FOCAD: variants seen among roughly 807,000 people sequenced by gnomAD.
FOCAD encodes KIAA1797.
FOCAD carries 198 observed loss-of-function variants against 225.6 expected under a neutral mutation model. That is an observed-to-expected ratio of 0.88 (90% CI 0.78 to 0.99). The LOEUF is 0.99. Ranked by LOEUF, FOCAD falls within the 50% of genes least tolerant of loss-of-function variation. The pLI, the probability that FOCAD is intolerant of heterozygous loss-of-function variation, is 0.00. For missense variants in FOCAD, 2,713 were observed against 2,123.6 expected (o/e 1.28, Z -5.46); for synonymous variants, 897 against 755.0 (o/e 1.19, Z -3.08).
At chr9:20,815,137 G>GTTTTTTTTTGTTTTTTTTT (rs1823565046) in intron 11 of FOCAD, among the ~76,000 whole-genome samples, 4 of 69,116 alleles carry the variant, frequency 5.8e-5, no homozygotes, top group African/African-American at 2.4e-4. Context: ...TTTTTTTTTT[G>GTTTTTTTTTGTTTTTTTTT]TTTTTTTTTT....
chr9:20,740,231 TG>T lies in FOCAD; in HGVS notation c.288-4del, dbSNP rs752695565. ...TAACATTTAACATGCTATATTTCTTTGCAGAAATACACATGGCTTGATAAAA... is the reference window on the plus strand; with the variant it reads ...TAACATTTAACATGCTATATTTCTTTCAGAAATACACATGGCTTGATAAAA... On this transcript the variant is annotated splice_region_variant and splice_polypyrimidine_tract_variant and intron_variant, in intron 4 of 43. Coordinates refer to ENST00000338382, the MANE Select transcript of FOCAD (RefSeq NM_001375567.1). 71 of 1,553,454 alleles carry T rather than the reference TG, an allele frequency of 4.6e-5. No individual in the cohort carries two copies. The highest frequency in any genetic ancestry group is 1.8e-5 in the Non-Finnish European group (20 of 1,130,746).
chr9:20,717,722 C>T, intron 2 of FOCAD, 72 bp from the exon 3 acceptor site: 1 of 1,125,810 alleles, frequency 8.9e-7, no homozygotes. Context: ...CTGGCATACT[C>T]ATATCAACTA....
intron 28 of FOCAD, among the ~76,000 whole-genome samples, chr9:20,942,618 C>T (rs1256900432): frequency 6.6e-6 from 1 of 152,142 alleles, no homozygotes; most frequent in Non-Finnish European, 1.5e-5. Flanking sequence ...GATCTTCTCT[C>T]TACTCTAGAC....
At chr9:20,895,084 T>A (rs1564123091) in intron 21 of FOCAD, among the ~76,000 whole-genome samples, 1 of 152,038 alleles carries the variant, frequency 6.6e-6, no homozygotes, top group Non-Finnish European at 1.5e-5. Flanking sequence ...GAGAAGATTA[T>A]CCTTTCTCCA....
chr9:20,900,652 TG>T (rs1194176685), intron 21 of FOCAD, among the ~76,000 whole-genome samples: 2 of 151,944 alleles, frequency 1.3e-5, no homozygotes, highest in Non-Finnish European at 2.9e-5. Flanking sequence ...TGAATAATAA[TG>T]GGGAGAAGTG....
intron 15 of FOCAD, among the ~76,000 whole-genome samples, chr9:20,848,239 A>G (rs1827313095): frequency 6.6e-6 from 1 of 152,078 alleles, no homozygotes; most frequent in Non-Finnish European, 1.5e-5. Context: ...CAAAATGGGC[A>G]TGATTTGACG....
intron 8 of FOCAD, among the ~76,000 whole-genome samples, chr9:20,775,598 C>T (rs1257496214): frequency 1.3e-5 from 2 of 152,174 alleles, no homozygotes; most frequent in Non-Finnish European, 2.9e-5. Context: ...TGTCTGCTAC[C>T]TTCTCATGCC....
rs749860355 is a variant in FOCAD at position 20,710,229 on chromosome 9, AT to A, written c.-32-5070del. ...CTGTACTTGGATCCCAGTAGCTGAG[AT>A]TTTTTTTTTTTTTTTTTTTTTTGCT... is the stretch of plus-strand genomic sequence containing the variant. On this transcript the variant is annotated intron_variant, in intron 1 of 43. Transcript: ENST00000338382. 7.3e-3 allele frequency among the ~76,000 whole-genome samples: 743 copies of A among 102,238 alleles called. 4 individuals are homozygous for A. The highest frequency in any genetic ancestry group is 0.024 in the African/African-American group (631 of 26,666). The allele number at this position is 102,238 out of a possible 152,430, so 67.1% of individuals were successfully genotyped here.
intron 7 of FOCAD, among the ~76,000 whole-genome samples, chr9:20,766,451 A>G (rs1452006807): frequency 2.0e-5 from 3 of 152,188 alleles, no homozygotes; most frequent in Non-Finnish European, 2.9e-5. Flanking sequence ...GGCTAATTGA[A>G]TATTTTAGTG....
At chr9:20,721,478 G>T (rs1338029517) in intron 4 of FOCAD, among the ~76,000 whole-genome samples, 1 of 152,066 alleles carries the variant, frequency 6.6e-6, no homozygotes, top group African/African-American at 2.4e-5. Flanking sequence ...GAGGCGGGCG[G>T]ATCACCTGAC....
chr9:20,952,718 T>G (rs1837796100), intron 34 of FOCAD, among the ~76,000 whole-genome samples: 1 of 152,058 alleles, frequency 6.6e-6, no homozygotes, highest in Admixed American at 6.6e-5. Flanking sequence ...ACCACTTCAC[T>G]CAAGTGTTCA....
chr9:20,943,565 T>A (rs545775674), intron 28 of FOCAD, among the ~76,000 whole-genome samples: 1 of 152,300 alleles, frequency 6.6e-6, no homozygotes, highest in East Asian at 1.9e-4. Context: ...GTGTGGGTGC[T>A]CCATTTGCAC....
At chr9:20,883,489 A>G (rs1237269030) in intron 20 of FOCAD, among the ~76,000 whole-genome samples, 1 of 152,204 alleles carries the variant, frequency 6.6e-6, no homozygotes, top group Non-Finnish European at 1.5e-5. Flanking sequence ...TACCAAAATG[A>G]CCATACGCTG....
intron 2 of FOCAD, among the ~76,000 whole-genome samples, chr9:20,660,501 TAGAA>T (rs1458807492): frequency 4.8e-5 from 6 of 125,924 alleles, no homozygotes; most frequent in South Asian, 2.2e-4. Flanking sequence ...TCAGATCCCT[TAGAA>T]AGAAGATTTC....
intron 28 of FOCAD, among the ~76,000 whole-genome samples, chr9:20,936,199 C>G (rs938087676): frequency 2.0e-5 from 3 of 152,198 alleles, no homozygotes; most frequent in African/African-American, 7.2e-5. Context: ...TAAGCACTAA[C>G]TTCCAGTTTA....
At chr9:20,928,073 G>A (rs1032154481) in intron 26 of FOCAD, among the ~76,000 whole-genome samples, 1 of 152,124 alleles carries the variant, frequency 6.6e-6, no homozygotes, top group Non-Finnish European at 1.5e-5. Flanking sequence ...CTTTAATGAT[G>A]AATGAAAACT....
intron 35 of FOCAD, among the ~76,000 whole-genome samples, chr9:20,958,229 C>G (rs1838378312): frequency 1.3e-5 from 2 of 152,036 alleles, no homozygotes; most frequent in South Asian, 4.1e-4. Context: ...TTTATAATGT[C>G]ATATTAAAAA....
At chr9:20,694,736 C>G (rs1057293799) in intron 1 of FOCAD, among the ~76,000 whole-genome samples, 1 of 152,126 alleles carries the variant, frequency 6.6e-6, no homozygotes, top group African/African-American at 2.4e-5. Context: ...TTGTTTTTCT[C>G]TCTAACATTT....
intron 15 of FOCAD, among the ~76,000 whole-genome samples, chr9:20,840,099 T>C (rs1826368685): frequency 6.6e-6 from 1 of 152,134 alleles, no homozygotes; most frequent in African/African-American, 2.4e-5. Context: ...ATGTGATTCC[T>C]CCAGTTTTGT....
Sources: gnomAD v4.1 joint callset for allele counts (sites outside exome capture counted in the v4.1 genomes callset) on GRCh38, gnomAD v4.1.1 for gene constraint, MANE v1.5 for transcripts, NCBI Gene and HGNC (gene_info 2026-07-23, HGNC 2026-07-21) for gene names.